Variants in CAMK2B observed in about 807,000 individuals in gnomAD.
CAMK2B encodes the protein calcium/calmodulin dependent protein kinase II beta.
CAMK2B carries 27 observed loss-of-function variants against 93.7 expected under a neutral mutation model. The observed-to-expected ratio is 0.29, with a 90% CI of 0.21 to 0.40. The LOEUF (loss-of-function observed/expected upper bound fraction) is 0.40. CAMK2B is among the 10% of genes least tolerant of loss of function. The pLI, the probability that CAMK2B is intolerant of heterozygous loss-of-function variation, is 1.00. For synonymous variants in CAMK2B, 374 were observed against 358.8 expected (o/e 1.04, Z -0.48); for missense variants, 568 against 895.8 (o/e 0.63, Z 4.67).
At chr7:44,304,694 G>A (rs1314956783) in intron 1 of CAMK2B, among the ~76,000 whole-genome samples, 1 of 152,202 alleles carries the variant, frequency 6.6e-6, no homozygotes, top group Non-Finnish European at 1.5e-5. Flanking sequence ...TTCTACATTT[G>A]TCCAAGCTCA....
At chr7:44,302,016 G>A (rs1055045607) in intron 1 of CAMK2B, among the ~76,000 whole-genome samples, 1 of 152,074 alleles carries the variant, frequency 6.6e-6, no homozygotes, top group African/African-American at 2.4e-5. Flanking sequence ...GGTTAACTAA[G>A]GAAAAAAGAG....
intron 13 of CAMK2B, among the ~76,000 whole-genome samples, chr7:44,235,338 A>G (rs1269525552): frequency 6.6e-6 from 1 of 152,202 alleles, no homozygotes; most frequent in Non-Finnish European, 1.5e-5. Context: ...TGGGGCCAGC[A>G]CAGGCCTTTC....
chr7:44,247,279 G>A (rs2096740693), intron 5 of CAMK2B, 87 bp from the exon 6 acceptor site: 3 of 1,099,184 alleles, frequency 2.7e-6, no homozygotes, highest in African/African-American at 1.6e-5. Flanking sequence ...GGTGCTGTGT[G>A]GCCTGGGGGG....
At chr7:44,284,554 T>C (rs896356950) in intron 1 of CAMK2B, among the ~76,000 whole-genome samples, 2 of 152,216 alleles carry the variant, frequency 1.3e-5, no homozygotes, top group Non-Finnish European at 2.9e-5. Flanking sequence ...GTTCAGCTCC[T>C]GTGTGACCTA....
At chr7:44,316,200 C>A (rs980900512) in intron 1 of CAMK2B, among the ~76,000 whole-genome samples, 12 of 152,056 alleles carry the variant, frequency 7.9e-5, no homozygotes, top group African/African-American at 2.7e-4. Context: ...AAGTTCCTTT[C>A]TACTTGTCAT....
At chr7:44,299,275 A>C (rs1309327614) in intron 1 of CAMK2B, among the ~76,000 whole-genome samples, 3 of 152,268 alleles carry the variant, frequency 2.0e-5, no homozygotes, top group Non-Finnish European at 4.4e-5. Context: ...AAGTGAAATA[A>C]GCCAGTCACA....
chr7:44,275,226 T>A (rs1432431458), intron 2 of CAMK2B, among the ~76,000 whole-genome samples: 2 of 151,046 alleles, frequency 1.3e-5, no homozygotes, highest in Non-Finnish European at 3.0e-5. Flanking sequence ...TCAGGATGCA[T>A]TTGTCTTCCC....
rs545977277 is a variant in CAMK2B, at chr7:44,226,484, C to A, written c.1597+32G>T. The A allele has an allele frequency of 6.5e-6, 9 of 1,377,848 alleles. No individual in the cohort carries two copies. The East Asian group carries it at 8.6e-5, about 13-fold the overall frequency. The allele number at this position is 1,377,848 out of a possible 1,614,324, so 85.4% of individuals were successfully genotyped here. A position where few individuals can be genotyped will look rare whatever the true frequency, so the allele number is the denominator to read the frequency against. On this transcript the variant is annotated intron_variant, in intron 20 of 23. Coordinates refer to ENST00000395749, the MANE Select transcript of CAMK2B (RefSeq NM_001220.5). ...GCACGCCCCGAGCCCCTCCGGGCAGCCGCTGCCACGGCCACTCAAGGTGCT... is the reference window on the plus strand; with the variant it reads ...GCACGCCCCGAGCCCCTCCGGGCAGACGCTGCCACGGCCACTCAAGGTGCT...
intron 1 of CAMK2B, among the ~76,000 whole-genome samples, chr7:44,301,514 C>A (rs931571648): frequency 6.6e-6 from 1 of 152,152 alleles, no homozygotes; most frequent in Non-Finnish European, 1.5e-5. Flanking sequence ...CAGTGGCTCA[C>A]GCCTGTAATA....
intron 1 of CAMK2B, among the ~76,000 whole-genome samples, chr7:44,289,705 G>T (rs114651446): frequency 6.6e-6 from 1 of 152,184 alleles, no homozygotes; most frequent in Non-Finnish European, 1.5e-5. Context: ...AGAAAGAGCC[G>T]GCAGTGTGAT....
chr7:44,298,755 G>C (rs1367758741), intron 1 of CAMK2B, among the ~76,000 whole-genome samples: 2 of 152,174 alleles, frequency 1.3e-5, no homozygotes, highest in African/African-American at 4.8e-5. Flanking sequence ...TATGCAAATG[G>C]AAAACAAGAG....
At chr7:44,290,508 G>A (rs1006778367) in intron 1 of CAMK2B, among the ~76,000 whole-genome samples, 4 of 152,260 alleles carry the variant, frequency 2.6e-5, no homozygotes, top group Non-Finnish European at 5.9e-5. Flanking sequence ...TTGCCTGGCT[G>A]GCCCCAGGTG....
intron 9 of CAMK2B, 36 bp downstream of exon 9, chr7:44,242,524 G>A (rs753665267): frequency 5.8e-6 from 9 of 1,562,260 alleles, no homozygotes; most frequent in Admixed American, 1.8e-5. Context: ...ACACCTGGAG[G>A]AAGGGAGCTC....
rs762014042 is a variant in CAMK2B at position 44,294,908 on chromosome 7, G to A, written c.66-10683C>T. On this transcript the variant is annotated intron_variant, in intron 1 of 23. Coordinates refer to ENST00000395749, the MANE Select transcript of CAMK2B (RefSeq NM_001220.5). ...ACATGGGGATTGGCAGATGCTGATGGTGTATCCTTCCCAGCAGGCACTGCA... is the reference window on the plus strand; with the variant it reads ...ACATGGGGATTGGCAGATGCTGATGATGTATCCTTCCCAGCAGGCACTGCA... Among the ~76,000 whole-genome samples, 9 of 152,322 alleles carry A rather than the reference G, an allele frequency of 5.9e-5. No individual in the cohort carries two copies. In the East Asian group the frequency reaches 1.5e-3, roughly 26 times the overall value.
At chr7:44,233,055 G>A (rs771712335) in intron 15 of CAMK2B, among the ~76,000 whole-genome samples, 189 bp from the exon 16 acceptor site, 1 of 152,090 alleles carries the variant, frequency 6.6e-6, no homozygotes, top group African/African-American at 2.4e-5. Context: ...AGGAGCCTGG[G>A]TCAGCCGGCA....
At chr7:44,223,747 C>T (rs1419045706) in intron 20 of CAMK2B, among the ~76,000 whole-genome samples, 1 of 152,164 alleles carries the variant, frequency 6.6e-6, no homozygotes, top group Non-Finnish European at 1.5e-5. Flanking sequence ...CCAGTCCTTC[C>T]AGCAGCCCCC....
At chr7:44,274,385 T>A (rs2097010713) in intron 2 of CAMK2B, among the ~76,000 whole-genome samples, 1 of 152,200 alleles carries the variant, frequency 6.6e-6, no homozygotes, top group African/African-American at 2.4e-5. Flanking sequence ...CCTCGAGCTT[T>A]GCCCTGGATC....
Position 44,263,082 on chromosome 7 carries a change from C to G in CAMK2B, c.161-18G>C. ...CTGGTGATCTGGGGGACAGGAAAAA[C>G]AAGGCGTCACCTCCTGCGCCAGCAA... On this transcript the variant is annotated intron_variant, in intron 2 of 23. Coordinates refer to ENST00000395749, the MANE Select transcript of CAMK2B (RefSeq NM_001220.5). 1 of 1,612,610 alleles carries G rather than the reference C, an allele frequency of 6.2e-7. No homozygotes were observed. The highest frequency in any genetic ancestry group is 1.1e-5 in the South Asian group (1 of 90,958).
chr7:44,270,338 AG>A (rs1562967280), intron 2 of CAMK2B, among the ~76,000 whole-genome samples: 1 of 152,110 alleles, frequency 6.6e-6, no homozygotes, highest in Non-Finnish European at 1.5e-5. Flanking sequence ...ATGGGCCAGA[AG>A]CTGTGTACTG....
Sources: gnomAD v4.1 joint callset for allele counts (sites outside exome capture counted in the v4.1 genomes callset) on GRCh38, gnomAD v4.1.1 for gene constraint, MANE v1.5 for transcripts, NCBI Gene and HGNC (gene_info 2026-07-23, HGNC 2026-07-21) for gene names.